HYCC1: variants seen among roughly 807,000 people sequenced by gnomAD.
HYCC1 encodes the protein hyccin.
chr7:22,904,287 C>T, the HYCC1 span, among the ~76,000 whole-genome samples: 2 of 151,754 alleles, frequency 1.3e-5, no homozygotes, highest in Admixed American at 6.6e-5. Context: ...AAAACTTAGC[C>T]GGGCGTGGTG....
At chr7:23,003,742 C>T in the HYCC1 span, among the ~76,000 whole-genome samples, 1 of 152,132 alleles carries the variant, frequency 6.6e-6, no homozygotes, top group Admixed American at 6.5e-5. Context: ...TGGAATGAGA[C>T]TTTCAGCCTT....
At chr7:22,916,973 C>T in the HYCC1 span, among the ~76,000 whole-genome samples, 1 of 152,196 alleles carries the variant, frequency 6.6e-6, no homozygotes, top group South Asian at 2.1e-4. Context: ...AAGGGTCCTC[C>T]ATCATTAATG....
chr7:22,898,257 A>G, the HYCC1 span, among the ~76,000 whole-genome samples: 3 of 152,050 alleles, frequency 2.0e-5, no homozygotes, highest in African/African-American at 7.2e-5. Context: ...TCTGTCACCC[A>G]GGCTGGAGTG....
chr7:22,925,185 T>C, the HYCC1 span, among the ~76,000 whole-genome samples: 1 of 151,838 alleles, frequency 6.6e-6, no homozygotes, highest in Non-Finnish European at 1.5e-5. Flanking sequence ...CATCTGTACG[T>C]CACCATCATC....
the HYCC1 span, chr7:22,941,224 T>C: frequency 3.3e-5 from 5 of 152,190 alleles, no homozygotes; most frequent in South Asian, 2.1e-4. Flanking sequence ...ATTTTTATAA[T>C]AATTTTTTAA....
At chr7:22,960,240 G>A in the HYCC1 span, 4 of 1,610,612 alleles carry the variant, frequency 2.5e-6, no homozygotes, top group East Asian at 4.5e-5. Flanking sequence ...GACTTGAAGA[G>A]TTACGTATTT....
the HYCC1 span, chr7:22,960,171 A>G: frequency 7.4e-7 from 1 of 1,351,490 alleles, no homozygotes; most frequent in Non-Finnish European, 1.1e-6. Flanking sequence ...TATTTACTGA[A>G]GTTAGAAGTT....
the HYCC1 span, among the ~76,000 whole-genome samples, chr7:22,898,805 A>G: frequency 6.7e-6 from 1 of 149,078 alleles, no homozygotes; most frequent in African/African-American, 2.5e-5. Context: ...GTTTCACCAT[A>G]TTGGCCAGGC....
the HYCC1 span, among the ~76,000 whole-genome samples, chr7:22,984,202 G>C: frequency 7.2e-5 from 11 of 152,148 alleles, no homozygotes; most frequent in African/African-American, 2.7e-4. Flanking sequence ...TGGGGTGATG[G>C]AAATGTGCTG....
chr7:22,995,651 A>G, the HYCC1 span, among the ~76,000 whole-genome samples: 1 of 68,514 alleles, frequency 1.5e-5, no homozygotes, highest in African/African-American at 5.5e-5. Context: ...GGCCATACTC[A>G]TATAAATAAA....
the HYCC1 span, chr7:22,991,208 A>T: frequency 1.0e-6 from 1 of 1,000,770 alleles, no homozygotes; most frequent in Non-Finnish European, 1.5e-6. Context: ...CTATGAACAG[A>T]GATAATCCTA....
the HYCC1 span, chr7:22,978,231 T>G: frequency 6.3e-7 from 1 of 1,593,272 alleles, no homozygotes; most frequent in East Asian, 2.2e-5. Context: ...TATTTGATTT[T>G]GTCAAAAAAG....
chr7:23,002,138 A>ATG, the HYCC1 span, among the ~76,000 whole-genome samples: 3 of 8,080 alleles, frequency 3.7e-4, no homozygotes, highest in African/African-American at 6.9e-4. Flanking sequence ...TAAAAATTGT[A>ATG]TATATATATA....
At chr7:22,964,231 A>G in the HYCC1 span, among the ~76,000 whole-genome samples, 2 of 152,164 alleles carry the variant, frequency 1.3e-5, no homozygotes, top group South Asian at 4.1e-4. Flanking sequence ...CAGAACTTTA[A>G]AAGATATGTT....
the HYCC1 span, among the ~76,000 whole-genome samples, chr7:23,000,049 T>A: frequency 5.9e-5 from 9 of 152,016 alleles, no homozygotes; most frequent in Middle Eastern, 3.4e-3. Context: ...ACAAAAACTA[T>A]CAACACCTAG....
At chr7:22,921,483 A>C in the HYCC1 span, among the ~76,000 whole-genome samples, 1 of 152,222 alleles carries the variant, frequency 6.6e-6, no homozygotes, top group African/African-American at 2.4e-5. Flanking sequence ...AATTGTAACA[A>C]TGTATTCTTG....
the HYCC1 span, among the ~76,000 whole-genome samples, chr7:22,926,370 T>A: frequency 6.6e-6 from 1 of 152,102 alleles, no homozygotes; most frequent in Non-Finnish European, 1.5e-5. Flanking sequence ...ATGCTCCAAT[T>A]AAAAGGCACT....
the HYCC1 span, among the ~76,000 whole-genome samples, chr7:22,963,460 G>GA: frequency 7.2e-5 from 11 of 151,778 alleles, no homozygotes; most frequent in African/African-American, 2.2e-4. Flanking sequence ...TCTAGTCAAG[G>GA]AAAAAAATCC....
At chr7:22,922,862 T>C in the HYCC1 span, among the ~76,000 whole-genome samples, 1 of 152,166 alleles carries the variant, frequency 6.6e-6, no homozygotes, top group Non-Finnish European at 1.5e-5. Context: ...ATCAGGAAGC[T>C]ATAACAATTA....
Sources: allele counts gnomAD v4.1 joint callset (sites outside exome capture counted in the v4.1 genomes callset), GRCh38; gene constraint gnomAD v4.1.1; transcripts MANE v1.5; gene names NCBI Gene and HGNC (gene_info 2026-07-23, HGNC 2026-07-21).